Variants in MED13 observed in about 807,000 individuals in gnomAD.
The protein encoded by MED13 is mediator of RNA polymerase II transcription subunit 13.
A neutral mutation model predicts 225.2 loss-of-function variants in MED13; 23 were observed. That is an observed-to-expected ratio of 0.10 (90% CI 0.07 to 0.14). The LOEUF (loss-of-function observed/expected upper bound fraction) is 0.14. Among genes scored for constraint, MED13 ranks in the 10% least tolerant of loss-of-function variants. The pLI, the probability that MED13 is intolerant of heterozygous loss-of-function variation, is 1.00. For synonymous variants in MED13, 942 were observed against 889.2 expected, an observed-to-expected ratio of 1.06 and a Z score of -1.06; for missense variants, 2,197 against 2,594.5, an observed-to-expected ratio of 0.85 and a Z score of 3.33.
intron 8 of MED13, among the ~76,000 whole-genome samples, chr17:62,022,749 C>T (rs1271706481): frequency 6.6e-6 from 1 of 152,142 alleles, no homozygotes; most frequent in Non-Finnish European, 1.5e-5. Flanking sequence ...GTGGCTCATG[C>T]CTGTAATCTC....
intron 23 of MED13, among the ~76,000 whole-genome samples, chr17:61,959,288 A>C (rs1780661041): frequency 6.6e-6 from 1 of 152,180 alleles, no homozygotes; most frequent in Non-Finnish European, 1.5e-5. Flanking sequence ...TGCTGAGATT[A>C]GAGGCATGAG....
Position 61,946,939 on chromosome 17 carries a change from T to C in MED13, c.6370A>G (p.Asn2124Asp), listed in dbSNP as rs1326824727. ...HSKHSHPLDS[N>D]QTSDVLRFVL... ...TACCTGAGGACATCTGAAGTCTGAT[T>C]TGAGTCAAGTGGGTGGGAGTGTTTA... Residue 2124 changes from asparagine (N) to aspartate (D), a missense_variant, in exon 29 of 30, where the codon AAT becomes GAT. Transcript: ENST00000397786. 6.2e-7 allele frequency: 1 copy of C among 1,613,768 alleles called. No individual in the cohort carries two copies. Among genetic ancestry groups the C allele is most frequent in the East Asian group, 2.2e-5 (1 of 44,882 alleles).
chr17:62,002,266 G>A (rs1315947876), intron 9 of MED13, among the ~76,000 whole-genome samples: 1 of 152,072 alleles, frequency 6.6e-6, no homozygotes, highest in Non-Finnish European at 1.5e-5. Flanking sequence ...GAGGTGGGCG[G>A]ATCACCTGAG....
chr17:62,022,032 G>A (rs1284540253), intron 8 of MED13, among the ~76,000 whole-genome samples: 1 of 151,838 alleles, frequency 6.6e-6, no homozygotes, highest in Non-Finnish European at 1.5e-5. Context: ...TCTGGATGTG[G>A]TGGTATATAC....
intron 16 of MED13, among the ~76,000 whole-genome samples, chr17:61,978,336 C>T (rs950075941): frequency 1.3e-5 from 2 of 152,084 alleles, no homozygotes; most frequent in African/African-American, 4.8e-5. Context: ...ACTGCAATAT[C>T]CACCTCATGG....
Position 62,019,511 on chromosome 17 carries a change from C to T in MED13, c.1284-8278G>A, listed in dbSNP as rs538324201. On this transcript the variant is annotated intron_variant, in intron 8 of 29. Coordinates refer to ENST00000397786, the MANE Select transcript of MED13 (RefSeq NM_005121.3). ...AAGGCAGTAGGAGAAATAGGATCTC[C>T]ATTCATCTGAGGTGAACTATTTAGT... Among the ~76,000 whole-genome samples, 4 of 152,230 alleles carry T rather than the reference C, an allele frequency of 2.6e-5. No homozygotes were observed. The East Asian group carries it at 7.7e-4, about 29-fold the overall frequency.
intron 18 of MED13, among the ~76,000 whole-genome samples, chr17:61,967,432 C>G (rs1264770635): frequency 6.6e-6 from 1 of 152,108 alleles, no homozygotes; most frequent in Admixed American, 6.6e-5. Context: ...CTAACATACA[C>G]TAACATTCAG....
chr17:61,961,773 G>T lies in MED13; in HGVS notation c.5071C>A (p.Pro1691Thr). ...ACAGGTTGCAACAGGTACTGACAAG[G>T]AATAATCTAAGAAGTATAGGCAAAT... ...IKSTVSVQIIPCQYLLQPVKH... is the reference protein window; with the variant it reads ...IKSTVSVQIITCQYLLQPVKH... Residue 1691 changes from proline (P) to threonine (T), a missense_variant, in exon 22 of 30, where the codon CCT becomes ACT. Pro to Thr is a conservative substitution (Grantham distance 38, BLOSUM62 -1). This residue lies in a region of MED13 where 457 missense variants were observed against 442.2 expected (regional missense o/e 1.03). Coordinates refer to ENST00000397786, the MANE Select transcript of MED13 (RefSeq NM_005121.3). The T allele has an allele frequency of 6.2e-7, 1 of 1,612,506 alleles. No homozygotes were observed. The highest frequency in any genetic ancestry group is 8.5e-7 in the Non-Finnish European group (1 of 1,178,748).
chr17:62,009,165 T>G (rs887524207), intron 9 of MED13, among the ~76,000 whole-genome samples: 1 of 152,164 alleles, frequency 6.6e-6, no homozygotes, highest in African/African-American at 2.4e-5. Context: ...ACTGGTTGAT[T>G]TTCACCTTTT....
At chr17:61,953,214 T>A in intron 26 of MED13, 101 bp from the exon 27 acceptor site, 1 of 1,218,960 alleles carries the variant, frequency 8.2e-7, no homozygotes, top group East Asian at 2.5e-5. Context: ...CCAAAATGGG[T>A]TAATTTAACC....
At chr17:61,990,602 TAC>T (rs903163595) in intron 11 of MED13, among the ~76,000 whole-genome samples, 13 of 144,168 alleles carry the variant, frequency 9.0e-5, no homozygotes, top group East Asian at 5.9e-4. Flanking sequence ...TATATATATA[TAC>T]ACACACACAC....
At position 62,041,864 on chromosome 17, in the gene MED13, T is replaced by C. The variant is rs938556571; in HGVS notation, c.471-6256A>G. Among the ~76,000 whole-genome samples, 10 of 152,328 alleles carry C rather than the reference T, an allele frequency of 6.6e-5. No individual in the cohort carries two copies. In the East Asian group the frequency reaches 1.9e-3, roughly 29 times the overall value. On this transcript the variant is annotated intron_variant, in intron 3 of 29. Coordinates refer to ENST00000397786, the MANE Select transcript of MED13 (RefSeq NM_005121.3). ...TCCCAAAGTGCAGGGATTACAAGCA[T>C]GAGCCACTGTGCCCAGCCTCCCCTA...
intron 8 of MED13, among the ~76,000 whole-genome samples, chr17:62,026,439 A>G (rs2080702642): frequency 6.6e-6 from 1 of 151,576 alleles, no homozygotes; most frequent in Non-Finnish European, 1.5e-5. Flanking sequence ...AGAATGTTAT[A>G]AGAAATTACT....
intron 3 of MED13, among the ~76,000 whole-genome samples, chr17:62,050,342 G>A (rs1245424711): frequency 6.8e-6 from 1 of 147,880 alleles, no homozygotes; most frequent in Non-Finnish European, 1.5e-5. Context: ...TGGGCAACAA[G>A]AGTGAAACTC....
chr17:62,014,870 T>A (rs1406074066), intron 8 of MED13, among the ~76,000 whole-genome samples: 1 of 152,224 alleles, frequency 6.6e-6, no homozygotes. Context: ...TAGCCAATAG[T>A]AGTTACTAAC....
chr17:62,016,780 G>A (rs570656831), intron 8 of MED13, among the ~76,000 whole-genome samples: 48 of 152,240 alleles, frequency 3.2e-4, no homozygotes, highest in African/African-American at 8.9e-4. Context: ...AGGCCAAGGC[G>A]GACGGAACAC....
rs560017254 is a variant in MED13 at position 61,950,682 on chromosome 17, G to A, written c.6291+143C>T. The A allele has an allele frequency of 8.8e-5, 68 of 770,880 alleles. 1 individual carries two copies. Among genetic ancestry groups the A allele is most frequent in the African/African-American group, 5.7e-4 (32 of 55,818 alleles). 47.8% of individuals were successfully genotyped at this position (770,880 alleles called of 1,614,324 possible). A position where few individuals can be genotyped will look rare whatever the true frequency, so the allele number is the denominator to read the frequency against. On this transcript the variant is annotated intron_variant, in intron 28 of 29. Coordinates refer to ENST00000397786, the MANE Select transcript of MED13 (RefSeq NM_005121.3). Reference sequence around the variant, plus strand: ...TACAGGCGTGAGCCACCGTGCCTTCGTGATCTTGTTTAAAGAGTCACATAT... The same window carrying A: ...TACAGGCGTGAGCCACCGTGCCTTCATGATCTTGTTTAAAGAGTCACATAT...
chr17:61,987,340 C>T (rs774754748), intron 11 of MED13, among the ~76,000 whole-genome samples: 1 of 151,872 alleles, frequency 6.6e-6, no homozygotes, highest in Non-Finnish European at 1.5e-5. Flanking sequence ...GAGGATGAGA[C>T]GGAGAACTGC....
intron 4 of MED13, among the ~76,000 whole-genome samples, chr17:62,034,842 T>C (rs1423208708): frequency 6.6e-6 from 1 of 151,926 alleles, no homozygotes; most frequent in Non-Finnish European, 1.5e-5. Context: ...TGGCCGGACA[T>C]GGTGGCTCAC....
Sources: gnomAD v4.1 joint callset for allele counts (sites outside exome capture counted in the v4.1 genomes callset) on GRCh38, gnomAD v4.1.1 for gene constraint, gnomAD v4.1.1 regional missense constraint, MANE v1.5 for transcripts, NCBI Gene and HGNC (gene_info 2026-07-23, HGNC 2026-07-21) for gene names.